The following PHIP variants were observed in gnomAD, a reference collection of about 807,000 sequenced individuals.
PHIP encodes the protein PHIP subunit of CUL4-Ring ligase complex.
Under a neutral mutation model 236.8 loss-of-function variants are expected in PHIP, and 54 were observed. That is an observed-to-expected ratio of 0.23 (90% CI 0.18 to 0.29). PHIP has a LOEUF of 0.29. Among genes scored for constraint, PHIP ranks in the 10% least tolerant of loss-of-function variants. The pLI is 1.00. For synonymous variants in PHIP, 756 were observed against 718.9 expected (o/e 1.05, Z -0.83); for missense variants, 1,370 against 2,190.8 (o/e 0.63, Z 7.48).
chr6:79,063,257 G>T (rs766911958), intron 4 of PHIP, among the ~76,000 whole-genome samples: 13 of 152,114 alleles, frequency 8.5e-5, no homozygotes, highest in Non-Finnish European at 7.4e-5. Flanking sequence ...GCTTAATAAA[G>T]TTCTAGTTGG....
chr6:79,058,302 G>A (rs867247198), intron 6 of PHIP, among the ~76,000 whole-genome samples: 2 of 151,968 alleles, frequency 1.3e-5, no homozygotes, highest in African/African-American at 2.4e-5. Context: ...TGTTGTCTCC[G>A]ACATCCACTA....
Position 79,074,145 on chromosome 6 carries a change from C to CA in PHIP, c.189+3302dup, listed in dbSNP as rs1774027899. Among the ~76,000 whole-genome samples, 4 of 151,914 alleles carry CA rather than the reference C, an allele frequency of 2.6e-5. No individual in the cohort carries two copies. The South Asian group carries it at 8.3e-4, about 32-fold the overall frequency. On this transcript the variant is annotated intron_variant, in intron 4 of 39. Transcript: ENST00000275034. ...CTTTCACTTAAAACAAACAAGCAAA[C>CA]AAACAAAAAAGATTTCTAATAAAGT... is the stretch of plus-strand genomic sequence containing the variant.
intron 17 of PHIP, among the ~76,000 whole-genome samples, chr6:78,999,586 G>A (rs1769857284): frequency 6.6e-6 from 1 of 151,918 alleles, no homozygotes; most frequent in Non-Finnish European, 1.5e-5. Context: ...TTTTTAAAAG[G>A]TATATTATAA....
intron 17 of PHIP, among the ~76,000 whole-genome samples, chr6:78,999,883 A>G (rs1348275647): frequency 6.6e-6 from 1 of 152,086 alleles, no homozygotes; most frequent in South Asian, 2.1e-4. Context: ...GACAGAAGTA[A>G]AAGTTCAAAT....
intron 4 of PHIP, among the ~76,000 whole-genome samples, chr6:79,068,656 CAGTT>C (rs1773742468): frequency 6.6e-6 from 1 of 152,186 alleles, no homozygotes; most frequent in Admixed American, 6.5e-5. Context: ...CCATATGAAG[CAGTT>C]AGTACTGTAC....
intron 35 of PHIP, among the ~76,000 whole-genome samples, chr6:78,949,769 A>G (rs1774039594): frequency 6.6e-6 from 1 of 151,932 alleles, no homozygotes; most frequent in African/African-American, 2.4e-5. Context: ...GCTCACTGCA[A>G]TGTCTACCTC....
intron 4 of PHIP, among the ~76,000 whole-genome samples, chr6:79,077,062 G>A (rs1231292373): frequency 1.3e-5 from 2 of 152,084 alleles, no homozygotes; most frequent in South Asian, 4.1e-4. Flanking sequence ...CGTGCAGAGC[G>A]AGCAAGCGAA....
At chr6:78,990,155 T>G (rs984880292) in intron 20 of PHIP, among the ~76,000 whole-genome samples, 1 of 152,170 alleles carries the variant, frequency 6.6e-6, no homozygotes. Context: ...AATAATTGCT[T>G]TAGATAGTGA....
At chr6:79,052,792 A>G (rs893413181) in intron 6 of PHIP, among the ~76,000 whole-genome samples, 3 of 152,220 alleles carry the variant, frequency 2.0e-5, no homozygotes, top group African/African-American at 7.2e-5. Flanking sequence ...CATTGTTTCT[A>G]GAGTTCAAAT....
At chr6:79,037,519 C>T (rs898543584) in intron 7 of PHIP, among the ~76,000 whole-genome samples, 32 of 152,150 alleles carry the variant, frequency 2.1e-4, no homozygotes, top group African/African-American at 7.5e-4. Context: ...GGACATATTG[C>T]AAGATCTTCA....
intron 15 of PHIP, among the ~76,000 whole-genome samples, chr6:79,012,765 T>C (rs1360194035): frequency 1.3e-5 from 2 of 151,646 alleles, no homozygotes; most frequent in African/African-American, 4.8e-5. Flanking sequence ...TTAATAGCAA[T>C]GCTGGATGCT....
chr6:79,019,091 G>C lies in PHIP; in HGVS notation c.992C>G (p.Ala331Gly). 1 of 1,609,468 alleles carries C rather than the reference G, an allele frequency of 6.2e-7. No homozygotes were observed. The highest frequency in any genetic ancestry group is 8.5e-7 in the Non-Finnish European group (1 of 1,175,972). ...GVQMICSSFS[A>G]GGMFLATGST... ...AAATTAGAATGAGGGAAACTTACCA[G>C]CACTAAAAGAAGAACAGATCATTTG... The change falls in exon 10 of 40, where the codon GCT becomes GGT. Residue 331 changes from alanine (A) to glycine (G), a missense_variant and splice_region_variant. Ala to Gly is a moderately conservative substitution (Grantham distance 60). Coordinates refer to ENST00000275034, the MANE Select transcript of PHIP (RefSeq NM_017934.7).
At chr6:78,973,041 T>A (rs1263975088) in intron 24 of PHIP, among the ~76,000 whole-genome samples, 4 of 151,920 alleles carry the variant, frequency 2.6e-5, no homozygotes, top group Non-Finnish European at 5.9e-5. Flanking sequence ...ATAAAGATAC[T>A]CCTCGAGAAG....
chr6:78,946,172 G>A lies in PHIP; in HGVS notation c.4459C>T (p.Pro1487Ser), dbSNP rs1773802731. ...AFSTPTRSIP[P>S]RHNAAQINGK... ...TTTATCTGAGCAGCATTGTGTCTTGGCGGTATTGATCGTGTAGGTGTAGAG... is the reference window on the plus strand; with the variant it reads ...TTTATCTGAGCAGCATTGTGTCTTGACGGTATTGATCGTGTAGGTGTAGAG... The change falls in exon 38 of 40, where the codon CCA becomes TCA. Residue 1487 changes from proline (P) to serine (S), a missense_variant. Coordinates refer to ENST00000275034, the MANE Select transcript of PHIP (RefSeq NM_017934.7). 14 of 1,613,864 alleles carry A rather than the reference G, an allele frequency of 8.7e-6. No homozygotes were observed. In the East Asian group the frequency reaches 2.7e-4, roughly 31 times the overall value.
intron 35 of PHIP, among the ~76,000 whole-genome samples, chr6:78,951,116 G>T (rs1774116635): frequency 6.6e-6 from 1 of 152,024 alleles, no homozygotes; most frequent in Non-Finnish European, 1.5e-5. Flanking sequence ...TTAGAGGTGG[G>T]CTCTTTCGTT....
intron 4 of PHIP, among the ~76,000 whole-genome samples, chr6:79,066,886 TTTTG>T (rs1431814726): frequency 3.3e-5 from 5 of 151,936 alleles, no homozygotes; most frequent in African/African-American, 9.7e-5. Context: ...TCCACCCTGG[TTTTG>T]TTTTTGTTTG....
In PHIP at chr6:79,076,008, C is replaced by G. The variant is rs1019949990; in HGVS notation, c.189+1440G>C. 2.0e-5 allele frequency among the ~76,000 whole-genome samples: 3 copies of G among 152,208 alleles called. No individual in the cohort carries two copies. The South Asian group carries it at 6.2e-4, about 32-fold the overall frequency. Reference sequence around the variant, plus strand: ...TACTTCCAGCTCCATTCACTTTGGCCAAGAATTGAATGAAAGTAACCCAAA... The same window carrying G: ...TACTTCCAGCTCCATTCACTTTGGCGAAGAATTGAATGAAAGTAACCCAAA... On this transcript the variant is annotated intron_variant, in intron 4 of 39. Coordinates refer to ENST00000275034, the MANE Select transcript of PHIP (RefSeq NM_017934.7).
At chr6:78,985,881 T>C (rs1010095396) in intron 21 of PHIP, among the ~76,000 whole-genome samples, 1 of 152,110 alleles carries the variant, frequency 6.6e-6, no homozygotes, top group African/African-American at 2.4e-5. Flanking sequence ...AAAAATTAGT[T>C]GCAAAATACA....
chr6:79,038,899 A>G (rs1351087334), intron 7 of PHIP, among the ~76,000 whole-genome samples: 1 of 152,206 alleles, frequency 6.6e-6, no homozygotes. Context: ...AGGACTTTCT[A>G]AATCACAGAA....
Sources: allele counts gnomAD v4.1 joint callset (sites outside exome capture counted in the v4.1 genomes callset), GRCh38; gene constraint gnomAD v4.1.1; transcripts MANE v1.5; gene names NCBI Gene and HGNC (gene_info 2026-07-23, HGNC 2026-07-21).